MEG3: variants seen among roughly 807,000 people sequenced by gnomAD.
MEG3 encodes the protein Very putative protein from MEG3 locus.
exon 1 of MEG3, chr14:100,835,133 C>T: frequency 9.4e-6 from 3 of 319,530 alleles, no homozygotes; most frequent in South Asian, 8.1e-5. Context: ...AAGCTATCCC[C>T]AGGGCTCTGC....
chr14:100,842,347 G>T (rs902581484), intron 2 of MEG3, among the ~76,000 whole-genome samples: 2 of 152,180 alleles, frequency 1.3e-5, no homozygotes, highest in Non-Finnish European at 2.9e-5. Flanking sequence ...AGGAAGAGGC[G>T]TATGTAAACA....
intron 2 of MEG3, among the ~76,000 whole-genome samples, chr14:100,842,855 G>A (rs979422436): frequency 2.0e-5 from 3 of 152,206 alleles, no homozygotes; most frequent in Non-Finnish European, 4.4e-5. Flanking sequence ...CGTGGGTCAT[G>A]AGCTCACTGC....
Position 100,845,170 on chromosome 14 carries a change from C to T in MEG3, n.3046-288C>T, listed in dbSNP as rs1290950523. On this transcript the variant is annotated intron_variant and non_coding_transcript_variant, in intron 2 of 3. Transcript: ENST00000398461. The surrounding 1 kb of genome is among the most constrained non-coding windows in gnomAD (Gnocchi z 5.2). The stretch of plus-strand genomic sequence containing the variant: ...CCCCGTTTCTCATCTATGCAGGGTC[C>T]TAAGCCTTTGGGTCCCACAGAGCAC... Among the ~76,000 whole-genome samples, 3 of 152,248 alleles carry T rather than the reference C, an allele frequency of 2.0e-5. No homozygotes were observed. The highest frequency in any genetic ancestry group is 4.4e-5 in the Non-Finnish European group (3 of 68,056).
chr14:100,840,267 CT>C (rs2037711811), intron 2 of MEG3, among the ~76,000 whole-genome samples: 2 of 152,292 alleles, frequency 1.3e-5, no homozygotes, highest in South Asian at 4.1e-4. Context: ...TGCCCACCAC[CT>C]TCGGCTTGCC....
chr14:100,840,846 A>C (rs975405154), intron 2 of MEG3, among the ~76,000 whole-genome samples: 10 of 152,202 alleles, frequency 6.6e-5, no homozygotes, highest in African/African-American at 2.2e-4. Flanking sequence ...TTGGGGAAGG[A>C]GGACAGTCGG....
chr14:100,859,530 A>G (rs1373648390), exon 1 of MEG3: 2 of 152,172 alleles, frequency 1.3e-5, no homozygotes, highest in Non-Finnish European at 2.9e-5. Context: ...AGGCTTCAGA[A>G]GCCCCTGCCT....
intron 2 of MEG3, among the ~76,000 whole-genome samples, chr14:100,840,504 TCC>T (rs2037721125): frequency 6.6e-6 from 1 of 151,838 alleles, no homozygotes; most frequent in Non-Finnish European, 1.5e-5. Context: ...TGCCTTTTTT[TCC>T]AGATGAAAAG....
upstream of MEG3, chr14:100,854,787 T>C (rs762957536): frequency 6.5e-6 from 1 of 152,680 alleles, no homozygotes; most frequent in East Asian, 1.9e-4. Flanking sequence ...CTTAGGGGAA[T>C]TGGGTTCCCC....
At chr14:100,860,734 A>G (rs2038381560) in intron 1 of MEG3, 2 of 456,336 alleles carry the variant, frequency 4.4e-6, no homozygotes, top group South Asian at 1.5e-5. Context: ...CCCACGGGAC[A>G]GGCTGGACCC....
chr14:100,832,004 G>A (rs890599651), downstream of MEG3: 4 of 152,022 alleles, frequency 2.6e-5, no homozygotes, highest in Non-Finnish European at 2.9e-5. Context: ...CTAGATTTTC[G>A]TATACATTAG....
chr14:100,826,646 G>C (rs1034051240), intron 1 of MEG3, among the ~76,000 whole-genome samples: 1 of 152,134 alleles, frequency 6.6e-6, no homozygotes, highest in Non-Finnish European at 1.5e-5. Flanking sequence ...CCATGAATTA[G>C]GGGGGGAAGC....
exon 1 of MEG3, chr14:100,860,182 G>A: frequency 5.4e-6 from 1 of 184,696 alleles, no homozygotes; most frequent in Non-Finnish European, 1.1e-5. Context: ...AGCCTGCTCT[G>A]GGGAGACAGT....
At chr14:100,853,149 C>T (rs2038137768), upstream of MEG3, 1 of 152,270 alleles carries the variant, frequency 6.6e-6, no homozygotes, top group African/African-American at 2.4e-5. Context: ...GAGTTGGGAT[C>T]CTAGTGCTCC....
upstream of MEG3, chr14:100,853,247 C>T (rs1043507411): frequency 6.6e-6 from 1 of 152,130 alleles, no homozygotes; most frequent in African/African-American, 2.4e-5. Flanking sequence ...TTTGCATGCT[C>T]CCCACACACA....
intron 1 of MEG3, among the ~76,000 whole-genome samples, chr14:100,826,851 G>T (rs2037246646): frequency 6.6e-6 from 1 of 152,124 alleles, no homozygotes; most frequent in South Asian, 2.1e-4. Context: ...GTTCTGCCCT[G>T]ATCAGCCACT....
intron 2 of MEG3, among the ~76,000 whole-genome samples, chr14:100,842,506 G>A (rs182237540): frequency 1.2e-3 from 185 of 152,318 alleles, no homozygotes; most frequent in Middle Eastern, 3.4e-3. Flanking sequence ...AAAGGTACAG[G>A]AAATTAGCTC....
chr14:100,839,715 C>T (rs1193939587), intron 2 of MEG3, among the ~76,000 whole-genome samples: 2 of 152,150 alleles, frequency 1.3e-5, no homozygotes, highest in African/African-American at 2.4e-5. Context: ...TGCAGACCCT[C>T]CCCTCCCACC....
downstream of MEG3, chr14:100,830,870 T>C (rs2037378340): frequency 6.6e-6 from 1 of 152,562 alleles, no homozygotes; most frequent in Admixed American, 6.5e-5. Flanking sequence ...ATGTGGCAAA[T>C]GGAGGTGCAA....
chr14:100,854,886 A>G (rs2140004305), upstream of MEG3: 1 of 152,796 alleles, frequency 6.5e-6, no homozygotes, highest in Admixed American at 6.5e-5. Flanking sequence ...TGACGAATGG[A>G]ACATTTTGGA....
Sources: allele counts gnomAD v4.1 joint callset (sites outside exome capture counted in the v4.1 genomes callset), GRCh38; gene constraint gnomAD v4.1.1; non-coding constraint Gnocchi (gnomAD v3.1); transcripts MANE v1.5; gene names NCBI Gene and HGNC (gene_info 2026-07-23, HGNC 2026-07-21).